The following FHIP1A variants were observed in gnomAD, a reference collection of about 807,000 sequenced individuals.
FHIP1A encodes FHF complex subunit HOOK-interacting protein 1A.
In FHIP1A, 61 loss-of-function variants were observed where a neutral mutation model predicts 88.6. The ratio of observed to expected loss-of-function variants is 0.69; its 90% CI spans 0.56 to 0.85. The LOEUF is 0.85. FHIP1A is among the 40% of genes least tolerant of loss of function. FHIP1A has a pLI of 0.00. For synonymous variants in FHIP1A, 478 were observed against 496.0 expected, an observed-to-expected ratio of 0.96 and a Z score of 0.48; for missense variants, 1,154 against 1,273.5, an observed-to-expected ratio of 0.91 and a Z score of 1.43.
chr4:151,618,510 A>AGCTTTAT (rs1328278905), intron 7 of FHIP1A, among the ~76,000 whole-genome samples: 1 of 152,234 alleles, frequency 6.6e-6, no homozygotes, highest in Non-Finnish European at 1.5e-5. Flanking sequence ...TTTGTGTGGT[A>AGCTTTAT]GCTTTATGTT....
Position 151,577,512 on chromosome 4 carries a change from C to T in FHIP1A, c.168C>T (p.Ile56=). The T allele has an allele frequency of 1.9e-6, 3 of 1,551,458 alleles. No homozygotes were observed. Among genetic ancestry groups the T allele is most frequent in the Non-Finnish European group, 2.6e-6 (3 of 1,146,822 alleles). Residue 56 remains isoleucine (I), a synonymous_variant, in exon 5 of 14, where the codon ATC becomes ATT. Coordinates refer to ENST00000435205, the MANE Select transcript of FHIP1A (RefSeq NM_001109977.3). ...LKNTQAKYGS[I]PPDEASAVQN... ...ACACCCAGGCAAAATATGGGTCTAT[C>T]CCTCCAGATGAGGCCAGTGCCGTGC...
intron 2 of FHIP1A, among the ~76,000 whole-genome samples, chr4:151,465,624 A>G (rs1030528214): frequency 1.3e-5 from 2 of 152,242 alleles, no homozygotes; most frequent in South Asian, 2.1e-4. Flanking sequence ...AAAATCCTCA[A>G]TAAAATACTG....
rs1285203855 is a variant in FHIP1A at position 151,663,903 on chromosome 4, A to G, written c.*1149A>G. Among the ~76,000 whole-genome samples, 5 of 152,160 alleles carry G rather than the reference A, an allele frequency of 3.3e-5. No individual in the cohort carries two copies. ...TGCTGCCTTCCGAGTAATGGGGTTCATTAGAAGGCCCCAACGTGCTGTATG... is the reference window on the plus strand; with the variant it reads ...TGCTGCCTTCCGAGTAATGGGGTTCGTTAGAAGGCCCCAACGTGCTGTATG... On this transcript the variant is annotated 3_prime_UTR_variant, in exon 14 of 14. Coordinates refer to ENST00000435205, the MANE Select transcript of FHIP1A (RefSeq NM_001109977.3).
Position 151,589,010 on chromosome 4 carries a change from G to A in FHIP1A, c.978+84G>A, listed in dbSNP as rs1734325965. The A allele has an allele frequency of 8.5e-6, 8 of 941,986 alleles. No individual in the cohort carries two copies. In the South Asian group the frequency reaches 1.2e-4, roughly 14 times the overall value. 58.4% of individuals were successfully genotyped at this position (941,986 alleles called of 1,614,324 possible). A position where few individuals can be genotyped will look rare whatever the true frequency, so the allele number is the denominator to read the frequency against. On this transcript the variant is annotated intron_variant, in intron 7 of 13. Coordinates refer to ENST00000435205, the MANE Select transcript of FHIP1A (RefSeq NM_001109977.3). ...AGGGTAAACACAGTGTAATTGATTT[G>A]ATGGTGATTTTAGCCTGATTTTTCT...
chr4:151,513,270 C>G (rs1254309218), intron 3 of FHIP1A, among the ~76,000 whole-genome samples: 4 of 152,268 alleles, frequency 2.6e-5, no homozygotes, highest in Middle Eastern at 6.8e-3. Flanking sequence ...TTTGTCACCA[C>G]CAGGCTTGCC....
intron 3 of FHIP1A, among the ~76,000 whole-genome samples, chr4:151,549,215 G>C (rs998639882): frequency 6.6e-6 from 1 of 152,134 alleles, no homozygotes; most frequent in Non-Finnish European, 1.5e-5. Flanking sequence ...CAGGGGAACA[G>C]ACGTAAACTA....
At chr4:151,523,609 G>T (rs1056746348) in intron 3 of FHIP1A, among the ~76,000 whole-genome samples, 4 of 152,142 alleles carry the variant, frequency 2.6e-5, no homozygotes, top group African/African-American at 9.7e-5. Context: ...TAGGGGTTGG[G>T]AGCACAGTGT....
rs566149623 is a variant in FHIP1A, at chr4:151,500,308, A to C, written c.-123+17660A>C. Among the ~76,000 whole-genome samples the C allele has an allele frequency of 2.0e-5, 3 of 152,278 alleles. No homozygotes were observed. The South Asian group carries it at 6.2e-4, about 32-fold the overall frequency. On this transcript the variant is annotated intron_variant, in intron 3 of 13. Coordinates refer to ENST00000435205, the MANE Select transcript of FHIP1A (RefSeq NM_001109977.3). ...AAAAGACCATTTAGGTGTCCTGGCA[A>C]CTCAATAAAAGAAGGCAACTATCTG...
chr4:151,543,593 CAT>C (rs1287190205), intron 3 of FHIP1A, among the ~76,000 whole-genome samples: 2 of 152,174 alleles, frequency 1.3e-5, no homozygotes, highest in Admixed American at 1.3e-4. Flanking sequence ...AAATATTATA[CAT>C]ATATCTTTCA....
At chr4:151,483,057 G>A (rs1297770598) in intron 3 of FHIP1A, among the ~76,000 whole-genome samples, 1 of 152,052 alleles carries the variant, frequency 6.6e-6, no homozygotes, top group Non-Finnish European at 1.5e-5. Flanking sequence ...CTCATACACT[G>A]TATTGAAAAT....
chr4:151,478,170 G>C (rs868099120), intron 2 of FHIP1A, among the ~76,000 whole-genome samples: 2 of 152,088 alleles, frequency 1.3e-5, no homozygotes, highest in Non-Finnish European at 1.5e-5. Context: ...GAAAATGTTC[G>C]ACCATAAAAA....
At chr4:151,502,543 A>G (rs1297128784) in intron 3 of FHIP1A, among the ~76,000 whole-genome samples, 2 of 152,188 alleles carry the variant, frequency 1.3e-5, no homozygotes, top group Non-Finnish European at 2.9e-5. Context: ...ACTTTTAGAT[A>G]GGGCAACAGG....
intron 3 of FHIP1A, among the ~76,000 whole-genome samples, chr4:151,549,309 A>G (rs1391010276): frequency 6.6e-6 from 1 of 152,122 alleles, no homozygotes; most frequent in Non-Finnish European, 1.5e-5. Flanking sequence ...ATGGAGAATC[A>G]AAGAATAAGA....
intron 3 of FHIP1A, among the ~76,000 whole-genome samples, chr4:151,548,386 C>T (rs1732589631): frequency 6.6e-6 from 1 of 152,164 alleles, no homozygotes; most frequent in Admixed American, 6.5e-5. Context: ...AGGCTGAGAC[C>T]TGCTGGGCTG....
chr4:151,637,908 C>CA (rs1293619681), intron 8 of FHIP1A, among the ~76,000 whole-genome samples: 1 of 152,146 alleles, frequency 6.6e-6, no homozygotes, highest in African/African-American at 2.4e-5. Flanking sequence ...GCCTAGAAGA[C>CA]AGACTAGCAT....
chr4:151,438,691 G>C (rs1211672492), intron 1 of FHIP1A, among the ~76,000 whole-genome samples: 2 of 150,828 alleles, frequency 1.3e-5, no homozygotes, highest in Admixed American at 6.6e-5. Context: ...ACCCAGGCTG[G>C]AGTGCGGTGG....
chr4:151,454,598 G>T (rs1728905545), intron 1 of FHIP1A, 103 bp from the exon 2 acceptor site: 1 of 151,944 alleles, frequency 6.6e-6, no homozygotes, highest in Admixed American at 6.6e-5. Context: ...CAAGGTTGAG[G>T]CAAATTAGGC....
chr4:151,495,289 G>A (rs1309715062), intron 3 of FHIP1A, among the ~76,000 whole-genome samples: 1 of 152,098 alleles, frequency 6.6e-6, no homozygotes, highest in Non-Finnish European at 1.5e-5. Context: ...GTTCATCTGA[G>A]GTCAGGAGTT....
chr4:151,467,986 TAAAAA>T (rs34475856), intron 2 of FHIP1A, among the ~76,000 whole-genome samples: 1 of 133,758 alleles, frequency 7.5e-6, no homozygotes. Context: ...TCCCGGAACT[TAAAAA>T]AAAAAAAAAA....
Sources: gnomAD v4.1 joint callset for allele counts (sites outside exome capture counted in the v4.1 genomes callset) on GRCh38, gnomAD v4.1.1 for gene constraint, MANE v1.5 for transcripts, NCBI Gene and HGNC (gene_info 2026-07-23, HGNC 2026-07-21) for gene names.